MARCHF10: variants seen among roughly 807,000 people sequenced by gnomAD.
MARCHF10 encodes the protein membrane associated ring-CH-type finger 10, also known as probable E3 ubiquitin-protein ligase MARCHF10.
In MARCHF10, 64 loss-of-function variants were observed where a neutral mutation model predicts 76.2. The observed-to-expected ratio is 0.84, with a 90% CI of 0.69 to 1.03. The LOEUF (loss-of-function observed/expected upper bound fraction) is 1.03, where lower values mean the gene tolerates loss of function less well. Among genes scored for constraint, MARCHF10 ranks in the 50% least tolerant of loss-of-function variants. The pLI is 0.00. For synonymous variants in MARCHF10, 340 were observed against 357.5 expected, an observed-to-expected ratio of 0.95 and a Z score of 0.55; for missense variants, 875 against 958.0, an observed-to-expected ratio of 0.91 and a Z score of 1.14.
chr17:62,710,550 C>CTTTTTTTTTTTTTT (rs552647502), intron 9 of MARCHF10, among the ~76,000 whole-genome samples: 3 of 88,620 alleles, frequency 3.4e-5, no homozygotes, highest in African/African-American at 1.5e-4. Context: ...TTGAACCCAG[C>CTTTTTTTTTTTTTT]TTTTTTTTTT....
At chr17:62,715,067 C>T (rs142164251) in intron 8 of MARCHF10, among the ~76,000 whole-genome samples, 4 of 152,276 alleles carry the variant, frequency 2.6e-5, no homozygotes, top group Non-Finnish European at 5.9e-5. Context: ...TCCTTTCCTC[C>T]CTGCATTTCT....
At chr17:62,798,214 G>C (rs1568228104) in intron 2 of MARCHF10, among the ~76,000 whole-genome samples, 1 of 152,114 alleles carries the variant, frequency 6.6e-6, no homozygotes, top group African/African-American at 2.4e-5. Flanking sequence ...ATTGGGCTGA[G>C]ATGGAACCCT....
At chr17:62,782,792 A>T (rs2092682261) in intron 3 of MARCHF10, among the ~76,000 whole-genome samples, 1 of 152,100 alleles carries the variant, frequency 6.6e-6, no homozygotes. Flanking sequence ...TATCAAGCAA[A>T]ACCCAAAGGA....
intron 3 of MARCHF10, among the ~76,000 whole-genome samples, chr17:62,778,933 T>A (rs2092604140): frequency 6.6e-6 from 1 of 152,152 alleles, no homozygotes; most frequent in African/African-American, 2.4e-5. Context: ...TTCAGCACCA[T>A]GAGCCTGAGG....
intron 6 of MARCHF10, among the ~76,000 whole-genome samples, chr17:62,732,992 C>CAAAA (rs398041783): frequency 6.5e-4 from 43 of 66,296 alleles, no homozygotes; most frequent in Non-Finnish European, 7.5e-4. Flanking sequence ...GACTCAGTCT[C>CAAAA]AAAAAAAAAA....
At chr17:62,717,818 T>C (rs963854024) in intron 8 of MARCHF10, among the ~76,000 whole-genome samples, 1 of 152,196 alleles carries the variant, frequency 6.6e-6, no homozygotes, top group Non-Finnish European at 1.5e-5. Flanking sequence ...CTTGCCCCCT[T>C]TGAGTGTGCC....
chr17:62,795,450 T>C (rs1568224625), intron 2 of MARCHF10, among the ~76,000 whole-genome samples: 1 of 149,788 alleles, frequency 6.7e-6, no homozygotes, highest in Non-Finnish European at 1.5e-5. Flanking sequence ...TATAATTATA[T>C]ACTAGTTACC....
intron 4 of MARCHF10, among the ~76,000 whole-genome samples, chr17:62,745,710 C>T (rs574999577): frequency 1.3e-5 from 2 of 152,272 alleles, no homozygotes; most frequent in African/African-American, 4.8e-5. Context: ...TATTGTGGAC[C>T]TAGTTTCCAA....
chr17:62,716,602 A>C (rs935127751), intron 8 of MARCHF10, among the ~76,000 whole-genome samples: 5 of 152,008 alleles, frequency 3.3e-5, no homozygotes, highest in African/African-American at 4.8e-5. Flanking sequence ...TAATAGAAAA[A>C]AAGAAGACCT....
rs537820371 is a variant in MARCHF10, at chr17:62,796,450, A to C, written c.90+5196T>G. On this transcript the variant is annotated intron_variant, in intron 2 of 10. Coordinates refer to ENST00000311269, the MANE Select transcript of MARCHF10 (RefSeq NM_152598.4). The stretch of plus-strand genomic sequence containing the variant: ...TTCAATGATATTTAGAACATCTTAA[A>C]GACAACCAGATTTATTTTTTGCAGA... Among the ~76,000 whole-genome samples the C allele has an allele frequency of 3.3e-5, 5 of 152,364 alleles. No homozygotes were observed. In the South Asian group the frequency reaches 1.0e-3, roughly 32 times the overall value.
rs1568115731 is a variant in MARCHF10 at position 62,725,105 on chromosome 17, C to CT, written c.1938-2dup. 7 of 1,578,740 alleles carry CT rather than the reference C, an allele frequency of 4.4e-6. No individual in the cohort carries two copies. Among genetic ancestry groups the CT allele is most frequent in the Non-Finnish European group, 6.0e-6 (7 of 1,167,968 alleles). Reference sequence around the variant, plus strand: ...CTCCTCGGAGTCCTCCTCCAGGAGACTAAATGTGAAAACAAGCCCTCGTGA... The same window carrying CT: ...CTCCTCGGAGTCCTCCTCCAGGAGACTTAAATGTGAAAACAAGCCCTCGTGA... On this transcript the variant is annotated splice_acceptor_variant, in intron 6 of 10. Transcript: ENST00000311269. LOFTEE classifies it high-confidence loss of function.
At chr17:62,760,147 A>T in intron 3 of MARCHF10, 141 bp from the exon 4 acceptor site, 1 of 661,030 alleles carries the variant, frequency 1.5e-6, no homozygotes, top group Admixed American at 2.8e-5. Context: ...ACGCCCGTTC[A>T]CCAGAGAGAT....
At chr17:62,770,585 A>G (rs1401301877) in intron 3 of MARCHF10, among the ~76,000 whole-genome samples, 6 of 137,704 alleles carry the variant, frequency 4.4e-5, no homozygotes, top group Non-Finnish European at 4.6e-5. Context: ...TCTGTCTCTC[A>G]GGCTGGAGTG....
chr17:62,706,037 A>T (rs2089568253), intron 9 of MARCHF10, among the ~76,000 whole-genome samples: 1 of 152,178 alleles, frequency 6.6e-6, no homozygotes, highest in African/African-American at 2.4e-5. Flanking sequence ...TTCTGACTTT[A>T]TGGCATTTTA....
At chr17:62,798,724 G>A (rs1476553724) in intron 2 of MARCHF10, among the ~76,000 whole-genome samples, 1 of 152,218 alleles carries the variant, frequency 6.6e-6, no homozygotes, top group East Asian at 1.9e-4. Flanking sequence ...TGCAGCTAGA[G>A]AAGGACACGA....
At chr17:62,745,903 A>T (rs940827245) in intron 4 of MARCHF10, among the ~76,000 whole-genome samples, 1 of 152,210 alleles carries the variant, frequency 6.6e-6, no homozygotes, top group African/African-American at 2.4e-5. Context: ...ATCTGGACGA[A>T]ATTCCCCAAG....
At chr17:62,807,682 G>A (rs757183083) in intron 1 of MARCHF10, among the ~76,000 whole-genome samples, 27 of 152,078 alleles carry the variant, frequency 1.8e-4, no homozygotes, top group Non-Finnish European at 2.2e-4. Context: ...AGGATCGCTT[G>A]AGCCTGGGAG....
rs1400470477 is a variant in MARCHF10, at chr17:62,725,123, C to T, written c.1938-19G>A. ...CAGGAGACTAAATGTGAAAACAAGC[C>T]CTCGTGACCAGGAGGCTACACGTTT... On this transcript the variant is annotated intron_variant, in intron 6 of 10. Coordinates refer to ENST00000311269, the MANE Select transcript of MARCHF10 (RefSeq NM_152598.4). 2 of 1,565,040 alleles carry T rather than the reference C, an allele frequency of 1.3e-6. No homozygotes were observed. The highest frequency in any genetic ancestry group is 1.7e-6 in the Non-Finnish European group (2 of 1,161,964).
chr17:62,708,243 C>CCT (rs2089708179), intron 9 of MARCHF10, among the ~76,000 whole-genome samples: 1 of 144,568 alleles, frequency 6.9e-6, no homozygotes, highest in Non-Finnish European at 1.5e-5. Context: ...AAAGTAGGTT[C>CCT]TTTTTTTTTT....
Sources: gnomAD v4.1 joint callset for allele counts (sites outside exome capture counted in the v4.1 genomes callset) on GRCh38, gnomAD v4.1.1 for gene constraint, MANE v1.5 for transcripts, NCBI Gene and HGNC (gene_info 2026-07-23, HGNC 2026-07-21) for gene names.